The following COL5A2 variants were observed in gnomAD, a reference collection of about 807,000 sequenced individuals.
COL5A2 encodes the protein collagen type V alpha 2 chain, also known as collagen alpha-2(V) chain.
In COL5A2, 23 loss-of-function variants were observed where a neutral mutation model predicts 208.2. The observed-to-expected ratio is 0.11, with a 90% CI of 0.08 to 0.16. The LOEUF (loss-of-function observed/expected upper bound fraction) is 0.16, where lower values mean the gene tolerates loss of function less well. Among genes scored for constraint, COL5A2 ranks in the 10% least tolerant of loss-of-function variants. COL5A2 has a pLI of 1.00. For missense variants in COL5A2, 1,590 were observed against 1,956.4 expected (o/e 0.81, Z 3.53); for synonymous variants, 625 against 628.5 (o/e 0.99, Z 0.08).
At chr2:189,317,176 TCA>T in the COL5A2 span, among the ~76,000 whole-genome samples, 1 of 152,142 alleles carries the variant, frequency 6.6e-6, no homozygotes, top group African/African-American at 2.4e-5. Context: ...AATCAAAATG[TCA>T]CAGAGTTCAG....
chr2:189,194,516 G>A (rs776090616), intron 1 of COL5A2, among the ~76,000 whole-genome samples: 25 of 152,096 alleles, frequency 1.6e-4, no homozygotes, highest in Admixed American at 1.3e-4. Flanking sequence ...AATGTGTGAT[G>A]CTACTAATCC....
intron 1 of COL5A2, among the ~76,000 whole-genome samples, chr2:189,207,324 C>G (rs547297370): frequency 3.0e-4 from 46 of 152,176 alleles, no homozygotes; most frequent in Middle Eastern, 3.4e-3. Flanking sequence ...TTTTGTATCA[C>G]TGACCCATAT....
chr2:189,194,666 G>A (rs1028054109), intron 1 of COL5A2, among the ~76,000 whole-genome samples: 1 of 152,144 alleles, frequency 6.6e-6, no homozygotes. Flanking sequence ...GGGCATCCTT[G>A]TCTTGCACTG....
chr2:189,216,770 C>T (rs779032329), intron 1 of COL5A2, among the ~76,000 whole-genome samples: 1 of 152,028 alleles, frequency 6.6e-6, no homozygotes, highest in Non-Finnish European at 1.5e-5. Flanking sequence ...AAAGTAGTAA[C>T]TAAATAAGTT....
At chr2:189,059,038 G>A (rs565343168) in intron 31 of COL5A2, 145 bp from the exon 32 acceptor site, 15 of 649,358 alleles carry the variant, frequency 2.3e-5, no homozygotes, top group East Asian at 1.1e-4. Context: ...AGAAAAGTAC[G>A]TATATTTTTA....
At chr2:189,402,924 T>C in the COL5A2 span, among the ~76,000 whole-genome samples, 1 of 152,212 alleles carries the variant, frequency 6.6e-6, no homozygotes, top group Non-Finnish European at 1.5e-5. Context: ...AATTATAAAA[T>C]ATTTTTTTCT....
At chr2:189,394,269 T>G in the COL5A2 span, among the ~76,000 whole-genome samples, 1 of 152,134 alleles carries the variant, frequency 6.6e-6, no homozygotes, top group East Asian at 1.9e-4. Flanking sequence ...AAAAAAACAT[T>G]AGATTCTTCA....
chr2:189,188,572 T>C (rs1688883242), intron 1 of COL5A2, among the ~76,000 whole-genome samples: 1 of 152,254 alleles, frequency 6.6e-6, no homozygotes, highest in South Asian at 2.1e-4. Flanking sequence ...TGAGAGTCCA[T>C]GAGTCAAGGC....
At chr2:189,048,693 T>C (rs1050620580) in intron 44 of COL5A2, among the ~76,000 whole-genome samples, 1 of 152,208 alleles carries the variant, frequency 6.6e-6, no homozygotes, top group Non-Finnish European at 1.5e-5. Flanking sequence ...TTCTATTTTA[T>C]TGTGATTTTT....
chr2:189,095,339 G>A (rs184867097), intron 6 of COL5A2, among the ~76,000 whole-genome samples: 5 of 152,158 alleles, frequency 3.3e-5, no homozygotes, highest in African/African-American at 4.8e-5. Flanking sequence ...AATCGGTGTA[G>A]GCAGGCATTA....
intron 1 of COL5A2, among the ~76,000 whole-genome samples, chr2:189,222,845 A>G (rs1174495638): frequency 6.6e-6 from 1 of 152,168 alleles, no homozygotes; most frequent in Non-Finnish European, 1.5e-5. Flanking sequence ...AATACAGTAT[A>G]TCACCAAGCA....
chr2:189,307,529 G>C, the COL5A2 span, among the ~76,000 whole-genome samples: 1 of 152,128 alleles, frequency 6.6e-6, no homozygotes, highest in South Asian at 2.1e-4. Flanking sequence ...AATAATGCCA[G>C]GTGCTATAAC....
intron 2 of COL5A2, among the ~76,000 whole-genome samples, 185 bp from the exon 3 acceptor site, chr2:189,104,462 C>T (rs568838380): frequency 5.9e-5 from 9 of 151,848 alleles, no homozygotes; most frequent in Admixed American, 1.3e-4. Context: ...GCAAAAAATG[C>T]ATCTTTTTGG....
chr2:189,034,332 T>A, intron 53 of COL5A2, 116 bp from the exon 54 acceptor site: 1 of 1,082,758 alleles, frequency 9.2e-7, no homozygotes, highest in Admixed American at 2.0e-5. Flanking sequence ...AGAGTACTAC[T>A]TAAAAAAAAG....
intron 2 of COL5A2, 32 bp from the exon 3 acceptor site, chr2:189,104,309 T>C: frequency 7.2e-7 from 1 of 1,398,594 alleles, no homozygotes. Context: ...TGTGTTATTT[T>C]ATGAGGAAAC....
the COL5A2 span, among the ~76,000 whole-genome samples, chr2:189,250,793 G>T: frequency 6.6e-6 from 1 of 151,978 alleles, no homozygotes; most frequent in Admixed American, 6.6e-5. Flanking sequence ...TTTGAGAAAA[G>T]AAATAATACC....
chr2:189,358,974 G>T, the COL5A2 span, among the ~76,000 whole-genome samples: 19 of 152,010 alleles, frequency 1.2e-4, no homozygotes, highest in African/African-American at 4.6e-4. Flanking sequence ...GTTTTTGGTG[G>T]AGTGGTTAGG....
the COL5A2 span, among the ~76,000 whole-genome samples, chr2:189,239,720 G>C: frequency 6.6e-6 from 1 of 151,576 alleles, no homozygotes; most frequent in Non-Finnish European, 1.5e-5. Context: ...GTATACATAT[G>C]TAACTAACCT....
the COL5A2 span, among the ~76,000 whole-genome samples, chr2:189,287,408 G>A: frequency 6.6e-6 from 1 of 151,976 alleles, no homozygotes; most frequent in South Asian, 2.1e-4. Flanking sequence ...ATGGACACAG[G>A]ATCAGCGACT....
Sources: allele counts gnomAD v4.1 joint callset (sites outside exome capture counted in the v4.1 genomes callset), GRCh38; gene constraint gnomAD v4.1.1; transcripts MANE v1.5; gene names NCBI Gene and HGNC (gene_info 2026-07-23, HGNC 2026-07-21).